FAM151A: variants seen among roughly 807,000 people sequenced by gnomAD.
FAM151A encodes protein FAM151A.
FAM151A carries 41 observed loss-of-function variants against 40.4 expected under a neutral mutation model. The ratio of observed to expected loss-of-function variants is 1.01; its 90% CI spans 0.79 to 1.32. The LOEUF is 1.32. FAM151A is among the 40% of genes most tolerant of loss of function. FAM151A has a pLI of 0.00. For missense variants in FAM151A, 740 were observed against 740.4 expected (o/e 1.00, Z 0.01); for synonymous variants, 337 against 312.5 (o/e 1.08, Z -0.83).
chr1:54,621,184 C>T (rs188121260), intron 1 of FAM151A, among the ~76,000 whole-genome samples: 1,716 of 148,860 alleles, frequency 0.012, 31 homozygotes, highest in African/African-American at 0.04. Flanking sequence ...AACCTGCGCG[C>T]GGCGGCTGAC....
chr1:54,614,084 C>T (rs547557795), intron 4 of FAM151A, among the ~76,000 whole-genome samples: 65 of 152,322 alleles, frequency 4.3e-4, no homozygotes, highest in South Asian at 1.9e-3. Context: ...ATTGAGCTTC[C>T]ACTATTGTCA....
Position 54,609,338 on chromosome 1 carries a change from CTG to C in FAM151A, c.1686_1687del (p.Asp562GlufsTer22). On this transcript the variant is annotated frameshift_variant, in exon 8 of 8. Transcript: ENST00000302250. LOFTEE classifies it high-confidence loss of function. Reference sequence around the variant, plus strand: ...GGGTAGCCTGTAGTAGACTCGGGTCCTGTCCACAGCCCTAGCTGCCAGCAATG... The same window carrying C: ...GGGTAGCCTGTAGTAGACTCGGGTCCTCCACAGCCCTAGCTGCCAGCAATG... The C allele has an allele frequency of 1.2e-6, 2 of 1,614,102 alleles. No homozygotes were observed. The highest frequency in any genetic ancestry group is 1.7e-6 in the Non-Finnish European group (2 of 1,179,962).
chr1:54,611,379 GAC>G (rs1278514348), intron 6 of FAM151A, among the ~76,000 whole-genome samples: 1 of 152,094 alleles, frequency 6.6e-6, no homozygotes, highest in African/African-American at 2.4e-5. Flanking sequence ...CAGCCTGGGT[GAC>G]AGAGTCAGAC....
chr1:54,616,288 G>C (rs1644172614), intron 2 of FAM151A, 116 bp from the exon 3 acceptor site: 1 of 899,932 alleles, frequency 1.1e-6, no homozygotes, highest in South Asian at 1.8e-5. Flanking sequence ...AAGTGGAAGA[G>C]GAAAATATTC....
chr1:54,610,026 G>A (rs1302338623), intron 7 of FAM151A, 85 bp from the exon 8 acceptor site: 3 of 1,484,344 alleles, frequency 2.0e-6, no homozygotes, highest in Non-Finnish European at 2.7e-6. Context: ...GGCAGTGGGA[G>A]TTATGGGGTC....
intron 5 of FAM151A, among the ~76,000 whole-genome samples, chr1:54,611,996 A>G (rs371721121): frequency 6.7e-6 from 1 of 149,064 alleles, no homozygotes; most frequent in African/African-American, 2.5e-5. Flanking sequence ...TGCAGTGTCT[A>G]TTTCTGAGTC....
chr1:54,616,261 A>G, intron 2 of FAM151A, 89 bp from the exon 3 acceptor site: 1 of 1,146,646 alleles, frequency 8.7e-7, no homozygotes, highest in East Asian at 2.4e-5. Flanking sequence ...ATTACAGAAC[A>G]TTTGAGAAAT....
intron 1 of FAM151A, among the ~76,000 whole-genome samples, chr1:54,620,652 C>G (rs1358287419): frequency 1.3e-5 from 2 of 148,472 alleles, no homozygotes; most frequent in African/African-American, 2.5e-5. Flanking sequence ...CGAGACCAGC[C>G]TGGCCAACAT....
chr1:54,620,841 C>A (rs1421671616), intron 1 of FAM151A, among the ~76,000 whole-genome samples: 1 of 53,808 alleles, frequency 1.9e-5, no homozygotes, highest in East Asian at 4.7e-4. Context: ...CAAAGAGACT[C>A]TGTCAAAAAA....
In FAM151A at chr1:54,610,241, G is replaced by A. The variant is rs930447318; in HGVS notation, c.1084+171C>T. On this transcript the variant is annotated intron_variant, in intron 7 of 7. Transcript: ENST00000302250. ...TGAAGGCCAGGAGCCCTGTGCTCTT[G>A]ACATCACTGTACTCCCTCTCCCTCC... is the stretch of plus-strand genomic sequence containing the variant. The A allele has an allele frequency of 2.8e-6, 4 of 1,447,792 alleles. No homozygotes were observed. In the African/African-American group the frequency reaches 5.7e-5, roughly 21 times the overall value. The allele number at this position is 1,447,792 out of a possible 1,614,324, so 89.7% of individuals were successfully genotyped here.
At chr1:54,612,924 G>C (rs1054734388) in intron 4 of FAM151A, among the ~76,000 whole-genome samples, 8 of 152,094 alleles carry the variant, frequency 5.3e-5, no homozygotes, top group African/African-American at 1.9e-4. Context: ...TCCTGATTCT[G>C]ATCTTGGGCA....
At position 54,609,852 on chromosome 1, in the gene FAM151A, T is replaced by C. The variant is rs1644094623; in HGVS notation, c.1174A>G (p.Ile392Val). 1 of 1,614,078 alleles carries C rather than the reference T, an allele frequency of 6.2e-7. No individual in the cohort carries two copies. Among genetic ancestry groups the C allele is most frequent in the Non-Finnish European group, 8.5e-7 (1 of 1,180,012 alleles). The change falls in exon 8 of 8, where the codon ATC becomes GTC. Residue 392 changes from isoleucine to valine, a missense_variant. Coordinates refer to ENST00000302250, the MANE Select transcript of FAM151A (RefSeq NM_176782.3). ...TGCAGGCAGGACTCCAGCGTCAGGATGTTGCCACTTGGAGTATGAACAATG... is the reference window on the plus strand; with the variant it reads ...TGCAGGCAGGACTCCAGCGTCAGGACGTTGCCACTTGGAGTATGAACAATG... ...VPIVHTPSGN[I>V]LTLESCLQQL... is the part of the protein sequence containing the mutation.
chr1:54,610,411 C>A lies in FAM151A; in HGVS notation c.1084+1G>T. 1.2e-6 allele frequency: 2 copies of A among 1,612,858 alleles called. No individual in the cohort carries two copies. Among genetic ancestry groups the A allele is most frequent in the South Asian group, 1.1e-5 (1 of 90,968 alleles). ...CACCGGGGCTGAAGGGTAGACCTTACCTGGGAGGGTCATTGTTGCTGTTTT... is the reference window on the plus strand; with the variant it reads ...CACCGGGGCTGAAGGGTAGACCTTAACTGGGAGGGTCATTGTTGCTGTTTT... On this transcript the variant is annotated splice_donor_variant, in intron 7 of 7. Coordinates refer to ENST00000302250, the MANE Select transcript of FAM151A (RefSeq NM_176782.3). LOFTEE classifies it high-confidence loss of function.
Position 54,609,608 on chromosome 1 carries a change from TGGGGGAA to T in FAM151A, c.1411_1417del (p.Phe471ThrfsTer2). On this transcript the variant is annotated frameshift_variant, in exon 8 of 8. Transcript: ENST00000302250. LOFTEE classifies it low-confidence loss of function (END_TRUNC). ...AGGCCAGCCTGGTGCCACAGTCACG[TGGGGGAA>T]GACCTCAGCCACAGCTGTAAGCAGC... 6.2e-7 allele frequency: 1 copy of T among 1,613,420 alleles called. No homozygotes were observed.
chr1:54,610,746 G>A, intron 6 of FAM151A, 191 bp from the exon 7 acceptor site: 2 of 981,060 alleles, frequency 2.0e-6, no homozygotes, highest in Non-Finnish European at 2.4e-6. Flanking sequence ...TAAGCAGTAA[G>A]CAAAGTTGCC....
In FAM151A at chr1:54,616,166, A is replaced by T; in HGVS notation, c.269T>A (p.Ile90Asn). 2 of 1,613,538 alleles carry T rather than the reference A, an allele frequency of 1.2e-6. No homozygotes were observed. The highest frequency in any genetic ancestry group is 1.7e-6 in the Non-Finnish European group (2 of 1,179,594). ...ATTGACGTCAGCCTCCAGGACTGTG[A>T]TGTTGCCTGTGGAAGGGGCAACAAC... ...KAMTAALNSN[I>N]TVLEADVNVE... The change falls in exon 3 of 8, where the codon ATC becomes AAC. Residue 90 changes from isoleucine to asparagine, a missense_variant. By Grantham distance (149) the Ile-to-Asn change is moderately radical (BLOSUM62 -3). Transcript: ENST00000302250.
At chr1:54,616,199 G>A (rs540562427) in intron 2 of FAM151A, 27 bp from the exon 3 acceptor site, 1 of 1,570,156 alleles carries the variant, frequency 6.4e-7, no homozygotes, top group East Asian at 2.3e-5. Flanking sequence ...AACTCAGTGA[G>A]TTCCTTTTTT....
At chr1:54,621,238 C>G (rs892614070) in intron 1 of FAM151A, among the ~76,000 whole-genome samples, 23 of 151,728 alleles carry the variant, frequency 1.5e-4, no homozygotes, top group Non-Finnish European at 2.9e-4. Flanking sequence ...AGGCGGATCA[C>G]CTGAGTTCAG....
At chr1:54,618,037 C>A (rs951286500) in intron 2 of FAM151A, among the ~76,000 whole-genome samples, 3 of 151,652 alleles carry the variant, frequency 2.0e-5, no homozygotes, top group Admixed American at 6.6e-5. Flanking sequence ...CGAGATTCTG[C>A]ATTTTTAACA....
Sources: allele counts gnomAD v4.1 joint callset (sites outside exome capture counted in the v4.1 genomes callset), GRCh38; gene constraint gnomAD v4.1.1; transcripts MANE v1.5; gene names NCBI Gene and HGNC (gene_info 2026-07-23, HGNC 2026-07-21).